Variants in TET2 observed in about 807,000 individuals in gnomAD.
The protein encoded by TET2 is tet methylcytosine dioxygenase 2, also known as methylcytosine dioxygenase TET2.
A neutral mutation model predicts 142.9 loss-of-function variants in TET2; 299 were observed. The observed-to-expected ratio is 2.09, with a 90% CI of 1.90 to 2.30. The LOEUF is 2.30. TET2 is among the 30% of genes most tolerant of loss of function. TET2 has a pLI of 0.00. For synonymous variants in TET2, 819 were observed against 849.0 expected (o/e 0.96, Z 0.61); for missense variants, 2,418 against 2,378.0 (o/e 1.02, Z -0.35).
intron 2 of TET2, among the ~76,000 whole-genome samples, chr4:105,207,318 G>T (rs1578620796): frequency 6.6e-6 from 1 of 152,166 alleles, no homozygotes; most frequent in African/African-American, 2.4e-5. Flanking sequence ...TTAAGCATGA[G>T]AACTCTCCTT....
chr4:105,272,536 A>T, intron 9 of TET2, 28 bp from the exon 10 acceptor site: 2 of 1,422,882 alleles, frequency 1.4e-6, no homozygotes, highest in Non-Finnish European at 1.9e-6. Flanking sequence ...CCTGTAGTTG[A>T]GGCTGTAATG....
intron 9 of TET2, among the ~76,000 whole-genome samples, chr4:105,270,808 C>A (rs1408246726): frequency 6.6e-6 from 1 of 151,950 alleles, no homozygotes; most frequent in Non-Finnish European, 1.5e-5. Flanking sequence ...ATCAATCAAC[C>A]TAATGAATTA....
At chr4:105,228,721 CT>C (rs1229496693) in intron 2 of TET2, among the ~76,000 whole-genome samples, 1 of 151,926 alleles carries the variant, frequency 6.6e-6, no homozygotes, top group African/African-American at 2.4e-5. Flanking sequence ...AGAAAAGTGC[CT>C]TTTTTTGGTA....
At chr4:105,208,017 T>C (rs1726928696) in intron 2 of TET2, among the ~76,000 whole-genome samples, 1 of 152,172 alleles carries the variant, frequency 6.6e-6, no homozygotes, top group South Asian at 2.1e-4. Context: ...TACAGATGAC[T>C]AGGAGACAAT....
chr4:105,148,291 T>G (rs1272759096), intron 1 of TET2, among the ~76,000 whole-genome samples: 4 of 152,224 alleles, frequency 2.6e-5, no homozygotes, highest in Admixed American at 6.5e-5. Context: ...GAGTTCTCCC[T>G]TCTTCATCTA....
intron 1 of TET2, among the ~76,000 whole-genome samples, chr4:105,161,579 G>C (rs1723862709): frequency 6.6e-6 from 1 of 152,100 alleles, no homozygotes; most frequent in Non-Finnish European, 1.5e-5. Flanking sequence ...TCTTATATTA[G>C]AATATTAATA....
chr4:105,266,016 A>G (rs1730665867), intron 8 of TET2, among the ~76,000 whole-genome samples: 1 of 152,146 alleles, frequency 6.6e-6, no homozygotes, highest in Non-Finnish European at 1.5e-5. Flanking sequence ...AGTGTTATTG[A>G]GAAAAGCTCC....
intron 1 of TET2, among the ~76,000 whole-genome samples, chr4:105,179,166 T>C (rs1352828434): frequency 6.6e-6 from 1 of 152,200 alleles, no homozygotes; most frequent in Non-Finnish European, 1.5e-5. Flanking sequence ...GGGATTATAA[T>C]TCAAGATGAG....
At position 105,279,547 on chromosome 4, in the gene TET2, G is replaced by GTTAAC. The variant is rs1480432348; in HGVS notation, c.*3031_*3035dup. 1 of 232,488 alleles carries GTTAAC rather than the reference G, an allele frequency of 4.3e-6. No homozygotes were observed. The highest frequency in any genetic ancestry group is 2.2e-5 in the African/African-American group (1 of 45,314). The allele number at this position is 232,488 out of a possible 1,614,324, so 14.4% of individuals were successfully genotyped here. On this transcript the variant is annotated 3_prime_UTR_variant, in exon 11 of 11. Transcript: ENST00000380013. Reference sequence around the variant, plus strand: ...GTACAGTTCACTTCTGAAGCTAGTGGTTAACTTGTGTAGGAAACTTTTGCA... The same window carrying GTTAAC: ...GTACAGTTCACTTCTGAAGCTAGTGGTTAACTTAACTTGTGTAGGAAACTTTTGCA...
intron 2 of TET2, among the ~76,000 whole-genome samples, chr4:105,210,760 A>G (rs1280298678): frequency 6.6e-6 from 1 of 152,192 alleles, no homozygotes. Context: ...TTCTGCCTTC[A>G]AAATGTGTCC....
At chr4:105,238,668 C>T (rs1391101960) in intron 3 of TET2, 1 of 243,296 alleles carries the variant, frequency 4.1e-6, no homozygotes, top group African/African-American at 2.2e-5. Flanking sequence ...TGCTACATCT[C>T]CCTCATCTGC....
chr4:105,236,638 A>AT lies in TET2; in HGVS notation c.2697dup (p.Lys900Ter). 1 of 1,614,118 alleles carries AT rather than the reference A, an allele frequency of 6.2e-7. No individual in the cohort carries two copies. The highest frequency in any genetic ancestry group is 8.5e-7 in the Non-Finnish European group (1 of 1,180,020). ...CAACAAGCTTCAGTTCTACAGGGAT[A>AT]TAAAAATAGAAACCAAGATATGTCT... On this transcript the variant is annotated frameshift_variant, in exon 3 of 11. Coordinates refer to ENST00000380013, the MANE Select transcript of TET2 (RefSeq NM_001127208.3). LOFTEE classifies it high-confidence loss of function.
intron 6 of TET2, among the ~76,000 whole-genome samples, chr4:105,253,830 C>T (rs540885230): frequency 6.6e-6 from 1 of 152,198 alleles, no homozygotes; most frequent in South Asian, 2.1e-4. Flanking sequence ...TTATCAGGTT[C>T]AGGTAGTTCC....
Position 105,243,551 on chromosome 4 carries a change from G to A in TET2, c.3595-19G>A, listed in dbSNP as rs1216727432. On this transcript the variant is annotated intron_variant, in intron 5 of 10. Coordinates refer to ENST00000380013, the MANE Select transcript of TET2 (RefSeq NM_001127208.3). ...GGTTGGGGTGGGGGGTGTTTGGGAT[G>A]GAATGGTGATCCACGCAGGTGGTTC... 6.4e-7 allele frequency: 1 copy of A among 1,551,096 alleles called. No homozygotes were observed.
At chr4:105,214,159 G>A (rs62332760) in intron 2 of TET2, among the ~76,000 whole-genome samples, 2 of 151,822 alleles carry the variant, frequency 1.3e-5, no homozygotes, top group Non-Finnish European at 2.9e-5. Flanking sequence ...ATATATATTG[G>A]TTTTTGTCCA....
intron 2 of TET2, among the ~76,000 whole-genome samples, chr4:105,217,001 G>C (rs543735238): frequency 6.6e-6 from 1 of 151,926 alleles, no homozygotes; most frequent in Non-Finnish European, 1.5e-5. Context: ...TTTTTTGTTT[G>C]TCCTAAATGT....
chr4:105,258,479 A>G (rs1730254026), intron 6 of TET2, among the ~76,000 whole-genome samples: 1 of 150,052 alleles, frequency 6.7e-6, no homozygotes, highest in Non-Finnish European at 1.5e-5. Flanking sequence ...GGGAAATTAT[A>G]TTTAGAGATC....
intron 8 of TET2, among the ~76,000 whole-genome samples, chr4:105,263,524 C>T (rs1462682855): frequency 6.6e-6 from 1 of 152,110 alleles, no homozygotes; most frequent in Non-Finnish European, 1.5e-5. Context: ...CCAGTTTGGA[C>T]AGGTAGTTCT....
Position 105,272,634 on chromosome 4 carries a change from T to C in TET2, c.4253T>C (p.Leu1418Pro). The change falls in exon 10 of 11, where the codon CTG (leucine) becomes CCG (proline). Residue 1418 changes from leucine to proline, a missense_variant. By Grantham distance (98) the Leu-to-Pro change is moderately conservative (BLOSUM62 -3). Coordinates refer to ENST00000380013, the MANE Select transcript of TET2 (RefSeq NM_001127208.3). ...CCTGAGGATGAGCAGCTTCACGTTC[T>C]GCCTTTATACAAAGTCTCTGACGTG... ...GKPEDEQLHV[L>P]PLYKVSDVDE... 6.4e-7 allele frequency: 1 copy of C among 1,551,394 alleles called. No homozygotes were observed. Among genetic ancestry groups the C allele is most frequent in the Non-Finnish European group, 8.7e-7 (1 of 1,146,890 alleles).
Sources: allele counts gnomAD v4.1 joint callset (sites outside exome capture counted in the v4.1 genomes callset), GRCh38; gene constraint gnomAD v4.1.1; transcripts MANE v1.5; gene names NCBI Gene and HGNC (gene_info 2026-07-23, HGNC 2026-07-21).